Variants in ABHD2 observed in about 807,000 individuals in gnomAD.
ABHD2 encodes the protein monoacylglycerol lipase ABHD2.
Under a neutral mutation model 48.1 loss-of-function variants are expected in ABHD2, and 20 were observed. The ratio of observed to expected loss-of-function variants is 0.42; its 90% CI spans 0.29 to 0.60. The LOEUF (loss-of-function observed/expected upper bound fraction) is 0.60, where lower values mean the gene tolerates loss of function less well. Ranked by LOEUF, ABHD2 falls within the 20% of genes least tolerant of loss-of-function variation. ABHD2 has a pLI of 0.24. For synonymous variants in ABHD2, 209 were observed against 214.2 expected (o/e 0.98, Z 0.21); for missense variants, 405 against 550.9 (o/e 0.74, Z 2.65).
intron 2 of ABHD2, among the ~76,000 whole-genome samples, chr15:89,115,729 G>A (rs139467839): frequency 6.6e-6 from 1 of 152,254 alleles, no homozygotes; most frequent in African/African-American, 2.4e-5. Context: ...CCTGTGGGGA[G>A]CAGATGGCTG....
chr15:89,144,375 TG>T (rs910333849), intron 3 of ABHD2, among the ~76,000 whole-genome samples: 2 of 152,146 alleles, frequency 1.3e-5, no homozygotes, highest in Admixed American at 1.3e-4. Context: ...TCAAGTGATC[TG>T]CCTGCCTTGG....
At chr15:89,046,631 T>C in the ABHD2 span, among the ~76,000 whole-genome samples, 1 of 151,916 alleles carries the variant, frequency 6.6e-6, no homozygotes, top group African/African-American at 2.4e-5. Context: ...CTTGGGAGAG[T>C]GTATGTGTCG....
intron 3 of ABHD2, among the ~76,000 whole-genome samples, chr15:89,136,865 G>A (rs573720725): frequency 2.2e-3 from 332 of 152,368 alleles, no homozygotes; most frequent in Non-Finnish European, 3.9e-3. Flanking sequence ...AAAAGGCACT[G>A]TGTTGGACAA....
chr15:89,176,082 A>C lies in ABHD2; in HGVS notation c.722+87A>C. On this transcript the variant is annotated intron_variant, in intron 6 of 10. Coordinates refer to ENST00000352732, the MANE Select transcript of ABHD2 (RefSeq NM_152924.5). The surrounding 1 kb of genome is among the most constrained non-coding windows in gnomAD (Gnocchi z 4.5). The stretch of plus-strand genomic sequence containing the variant: ...ACGCACAACACACTGTTCTGTGAAG[A>C]CCGGGGAACACTGTGGCCGACTGAG... 1 of 1,358,450 alleles carries C rather than the reference A, an allele frequency of 7.4e-7. No homozygotes were observed. The highest frequency in any genetic ancestry group is 1.5e-5 in the African/African-American group (1 of 68,366). 84.1% of individuals were successfully genotyped at this position (1,358,450 alleles called of 1,614,324 possible).
chr15:89,069,284 C>T, the ABHD2 span, among the ~76,000 whole-genome samples: 2 of 152,024 alleles, frequency 1.3e-5, no homozygotes, highest in African/African-American at 2.4e-5. Flanking sequence ...TGCACAACCA[C>T]GCCTGGCTAA....
At position 89,195,717 on chromosome 15, in the gene ABHD2, C is replaced by A. The variant is rs2051390705; in HGVS notation, c.*294C>A. 1 of 339,544 alleles carries A rather than the reference C, an allele frequency of 2.9e-6. No individual in the cohort carries two copies. The allele number at this position is 339,544 out of a possible 1,614,324, so 21.0% of individuals were successfully genotyped here. A position where few individuals can be genotyped will look rare whatever the true frequency, so the allele number is the denominator to read the frequency against. ...CTGGTTGCTTTTAAGCCAAGTACATCTAGTTTCCCTATTAAAAATGTGTCT... is the reference window on the plus strand; with the variant it reads ...CTGGTTGCTTTTAAGCCAAGTACATATAGTTTCCCTATTAAAAATGTGTCT... On this transcript the variant is annotated 3_prime_UTR_variant, in exon 11 of 11. Coordinates refer to ENST00000352732, the MANE Select transcript of ABHD2 (RefSeq NM_152924.5). The surrounding 1 kb of genome is among the most constrained non-coding windows in gnomAD (Gnocchi z 5.1).
intron 3 of ABHD2, among the ~76,000 whole-genome samples, chr15:89,132,974 A>G (rs112582471): frequency 1.0e-3 from 152 of 152,338 alleles, no homozygotes; most frequent in African/African-American, 3.5e-3. Context: ...AGTGGCTTCT[A>G]TCAGCTTTTT....
chr15:89,178,429 G>A (rs565661285), intron 6 of ABHD2, among the ~76,000 whole-genome samples: 3 of 152,284 alleles, frequency 2.0e-5, no homozygotes, highest in South Asian at 2.1e-4. Context: ...AGGTGGAGCC[G>A]GGGAGGCCCG....
the ABHD2 span, among the ~76,000 whole-genome samples, chr15:89,052,554 G>GACACACACAC: frequency 1.7e-5 from 2 of 118,720 alleles, no homozygotes; most frequent in South Asian, 5.5e-4. Flanking sequence ...CAGACAGACA[G>GACACACACAC]ACAGACACAC....
intron 3 of ABHD2, among the ~76,000 whole-genome samples, chr15:89,147,604 C>T (rs1476657294): frequency 2.0e-5 from 3 of 151,230 alleles, no homozygotes; most frequent in Admixed American, 6.6e-5. Flanking sequence ...CCGCCTGCCT[C>T]GGCCTCCCAA....
the ABHD2 span, among the ~76,000 whole-genome samples, chr15:89,081,984 C>G: frequency 1.3e-5 from 2 of 152,178 alleles, no homozygotes; most frequent in Non-Finnish European, 2.9e-5. Context: ...GTTTCTCAAC[C>G]TCAGCACTAT....
the ABHD2 span, among the ~76,000 whole-genome samples, chr15:89,043,733 G>T: frequency 7.0e-6 from 1 of 142,924 alleles, no homozygotes; most frequent in African/African-American, 2.6e-5. Context: ...AGGAGGAGGG[G>T]GAGAAGGAGG....
intron 3 of ABHD2, among the ~76,000 whole-genome samples, chr15:89,141,882 A>G (rs2050408867): frequency 6.6e-6 from 1 of 152,242 alleles, no homozygotes; most frequent in Non-Finnish European, 1.5e-5. Flanking sequence ...TAAAATGGCC[A>G]GCATCAGAAT....
chr15:89,150,690 G>A (rs754366187), intron 3 of ABHD2, among the ~76,000 whole-genome samples: 2 of 152,152 alleles, frequency 1.3e-5, no homozygotes, highest in Non-Finnish European at 2.9e-5. Context: ...AGAAATGATA[G>A]GCAAGTAGGT....
chr15:89,135,847 TCAGAACAGAACAGAA>T, intron 3 of ABHD2: 2 of 744,336 alleles, frequency 2.7e-6, no homozygotes, highest in South Asian at 2.9e-5. Context: ...TGGGCGATAC[TCAGAACAGAACAGAA>T]CAGGACAGAA....
chr15:89,134,858 T>C (rs1260724079), intron 3 of ABHD2, among the ~76,000 whole-genome samples: 1 of 152,192 alleles, frequency 6.6e-6, no homozygotes, highest in East Asian at 1.9e-4. Context: ...GTTTTGAGTA[T>C]GGCTTATTAG....
intron 3 of ABHD2, among the ~76,000 whole-genome samples, chr15:89,129,793 A>T (rs553461297): frequency 2.1e-5 from 3 of 144,122 alleles, no homozygotes; most frequent in East Asian, 2.0e-4. Flanking sequence ...TATGCTGATT[A>T]AAAAAAAAAA....
At chr15:89,148,994 A>G (rs553130736) in intron 3 of ABHD2, among the ~76,000 whole-genome samples, 2 of 152,202 alleles carry the variant, frequency 1.3e-5, no homozygotes, top group Non-Finnish European at 2.9e-5. Flanking sequence ...TGGATAAGTT[A>G]TATAAACAAA....
chr15:89,187,751 G>A (rs549358617), intron 7 of ABHD2, among the ~76,000 whole-genome samples: 2 of 152,262 alleles, frequency 1.3e-5, no homozygotes, highest in East Asian at 1.9e-4. Context: ...TGTCTTCCTC[G>A]CTTTTTGTTT....
Sources: allele counts gnomAD v4.1 joint callset (sites outside exome capture counted in the v4.1 genomes callset), GRCh38; gene constraint gnomAD v4.1.1; non-coding constraint Gnocchi (gnomAD v3.1); transcripts MANE v1.5; gene names NCBI Gene and HGNC (gene_info 2026-07-23, HGNC 2026-07-21).